MYOM2: variants seen among roughly 807,000 people sequenced by gnomAD.
MYOM2 encodes the protein myomesin-2.
A neutral mutation model predicts 187.6 loss-of-function variants in MYOM2; 254 were observed. That is an observed-to-expected ratio of 1.35 (90% CI 1.22 to 1.50). The LOEUF is 1.50. Among genes scored for constraint, MYOM2 ranks in the 40% most tolerant of loss-of-function variants. The pLI is 0.00. For synonymous variants in MYOM2, 981 were observed against 753.8 expected (o/e 1.30, Z -4.94); for missense variants, 2,796 against 1,924.0 (o/e 1.45, Z -8.48).
chr8:2,082,914 G>A (rs1003354866), intron 13 of MYOM2, among the ~76,000 whole-genome samples: 10 of 152,114 alleles, frequency 6.6e-5, no homozygotes, highest in African/African-American at 2.2e-4. Flanking sequence ...TTCCTTAGGT[G>A]GATGAGGGAA....
At chr8:2,120,698 T>TAATATATATATATA in intron 28 of MYOM2, among the ~76,000 whole-genome samples, 1 of 116,560 alleles carries the variant, frequency 8.6e-6, no homozygotes, top group Admixed American at 1.0e-4. Context: ...AAATATATAA[T>TAATATATATATATA]ATATATATTT....
intron 13 of MYOM2, among the ~76,000 whole-genome samples, chr8:2,083,677 G>C (rs1416463246): frequency 6.6e-6 from 1 of 152,196 alleles, no homozygotes; most frequent in Non-Finnish European, 1.5e-5. Context: ...CCACCCCTGT[G>C]CTTCCCTCTC....
chr8:2,123,213 A>G, intron 28 of MYOM2, 39 bp from the exon 29 acceptor site: 1 of 1,335,340 alleles, frequency 7.5e-7, no homozygotes, highest in Non-Finnish European at 1.1e-6. Context: ...CATGAGTCAG[A>G]ATGATTTACA....
At chr8:2,101,850 A>G (rs1796720738) in intron 20 of MYOM2, among the ~76,000 whole-genome samples, 1 of 152,248 alleles carries the variant, frequency 6.6e-6, no homozygotes, top group Non-Finnish European at 1.5e-5. Flanking sequence ...GAGCAAAACT[A>G]TCATGTGTGA....
intron 13 of MYOM2, chr8:2,084,879 C>G (rs1000487747): frequency 6.2e-5 from 11 of 178,532 alleles, no homozygotes; most frequent in South Asian, 1.5e-4. Context: ...ATCCGCGGTG[C>G]TTCTGTATTT....
chr8:2,052,819 C>A (rs189602523), intron 3 of MYOM2, among the ~76,000 whole-genome samples: 1 of 152,266 alleles, frequency 6.6e-6, no homozygotes, highest in African/African-American at 2.4e-5. Context: ...TAAGCGGGAG[C>A]CAGGGTTTTA....
intron 24 of MYOM2, among the ~76,000 whole-genome samples, chr8:2,109,103 A>G (rs1796984451): frequency 1.3e-5 from 2 of 152,252 alleles, no homozygotes; most frequent in African/African-American, 4.8e-5. Flanking sequence ...TTTCCTATCA[A>G]GTGAAATCTT....
intron 31 of MYOM2, among the ~76,000 whole-genome samples, chr8:2,125,961 A>G (rs933326838): frequency 4.6e-5 from 7 of 151,994 alleles, no homozygotes; most frequent in African/African-American, 1.7e-4. Flanking sequence ...CGAAATTTTG[A>G]TAAGAATTGC....
chr8:2,090,824 A>G (rs988509610), intron 15 of MYOM2, among the ~76,000 whole-genome samples: 1 of 152,274 alleles, frequency 6.6e-6, no homozygotes, highest in East Asian at 1.9e-4. Context: ...GCTGCATAGT[A>G]TTCCATGGTA....
At position 2,123,602 on chromosome 8, in the gene MYOM2, C is replaced by T. The variant is rs767302291; in HGVS notation, c.3615C>T (p.Asp1205=). 3.1e-6 allele frequency: 5 copies of T among 1,614,040 alleles called. No homozygotes were observed. Among genetic ancestry groups the T allele is most frequent in the East Asian group, 4.5e-5 (2 of 44,892 alleles). ...AATACAAGGCAACCTTGAAAGATGA[C>T]AGAGGCCAAGATGTGTCCATCCTTG... ...HGEYKATLKD[D]RGQDVSILEI... is the part of the protein sequence containing the mutation. The change falls in exon 30 of 37, where the codon GAC becomes GAT. Residue 1205 remains aspartate, a synonymous_variant. Coordinates refer to ENST00000262113, the MANE Select transcript of MYOM2 (RefSeq NM_003970.4).
chr8:2,082,776 C>T lies in MYOM2; in HGVS notation c.1517-2487C>T, dbSNP rs1276746449. 6.6e-5 allele frequency among the ~76,000 whole-genome samples: 10 copies of T among 152,312 alleles called. No homozygotes were observed. In the South Asian group the frequency reaches 1.2e-3, roughly 19 times the overall value. On this transcript the variant is annotated intron_variant, in intron 13 of 36. Coordinates refer to ENST00000262113, the MANE Select transcript of MYOM2 (RefSeq NM_003970.4). The stretch of plus-strand genomic sequence containing the variant: ...AAGCATTGGCTGTGCTTTCCTGGGC[C>T]GGGGCATTTGCAGCCCACATGCTCA...
chr8:2,049,593 C>T (rs948084171), intron 1 of MYOM2, among the ~76,000 whole-genome samples: 8 of 152,214 alleles, frequency 5.3e-5, no homozygotes, highest in Non-Finnish European at 1.2e-4. Context: ...ACCCCTGGGG[C>T]TGTGCCATGG....
In MYOM2 at chr8:2,144,646, A is replaced by C. The variant is rs766874430; in HGVS notation, c.4081-18A>C. 3 of 1,611,380 alleles carry C rather than the reference A, an allele frequency of 1.9e-6. No individual in the cohort carries two copies. Among genetic ancestry groups the C allele is most frequent in the South Asian group, 1.1e-5 (1 of 90,932 alleles). On this transcript the variant is annotated intron_variant, in intron 36 of 36. Coordinates refer to ENST00000262113, the MANE Select transcript of MYOM2 (RefSeq NM_003970.4). ...TTTTTCTAACTCTTCCTTCTCCACC[A>C]ACCTCTTCCGTCCAAAGACCTTGAA...
intron 13 of MYOM2, among the ~76,000 whole-genome samples, chr8:2,080,283 T>C (rs931794081): frequency 6.6e-6 from 1 of 152,228 alleles, no homozygotes; most frequent in African/African-American, 2.4e-5. Context: ...GATTTTGAGC[T>C]GCTCGCTAAA....
intron 31 of MYOM2, among the ~76,000 whole-genome samples, chr8:2,127,094 GTGT>G (rs1379185917): frequency 6.6e-6 from 1 of 151,940 alleles, no homozygotes; most frequent in Non-Finnish European, 1.5e-5. Flanking sequence ...GGTTAGGGTG[GTGT>G]TGGTCTCATG....
intron 32 of MYOM2, among the ~76,000 whole-genome samples, chr8:2,134,598 A>G (rs901355956): frequency 2.3e-5 from 3 of 130,736 alleles, no homozygotes; most frequent in African/African-American, 3.4e-5. Flanking sequence ...TTCCTTTTAC[A>G]TTTGTTCTGC....
chr8:2,100,089 CTTCCTTCCTTCCTTCCTTCT>C (rs1796640187), intron 19 of MYOM2, among the ~76,000 whole-genome samples: 2 of 56,594 alleles, frequency 3.5e-5, no homozygotes, highest in East Asian at 1.1e-3. Flanking sequence ...TTCTTCTTTC[CTTCCTTCCTTCCTTCCTTCT>C]TTCTTTCCTT....
Position 2,076,190 on chromosome 8 carries a change from G to C in MYOM2, c.1170G>C (p.Gln390His), listed in dbSNP as rs1819411582. 2.5e-6 allele frequency: 4 copies of C among 1,613,438 alleles called. No homozygotes were observed. The highest frequency in any genetic ancestry group is 3.4e-6 in the Non-Finnish European group (4 of 1,179,888). ...TGAPGAPMDL[Q>H]CHDANRDYVI... ...CCCCCGGTGCACCCATGGACTTGCAGTGCCACGACGCCAACCGGGACTACG... is the reference window on the plus strand; with the variant it reads ...CCCCCGGTGCACCCATGGACTTGCACTGCCACGACGCCAACCGGGACTACG... The change falls in exon 11 of 37, where the codon CAG becomes CAC. Residue 390 changes from glutamine (Q) to histidine (H), a missense_variant. Coordinates refer to ENST00000262113, the MANE Select transcript of MYOM2 (RefSeq NM_003970.4).
At chr8:2,062,474 G>A (rs1051489009) in intron 6 of MYOM2, among the ~76,000 whole-genome samples, 4 of 152,122 alleles carry the variant, frequency 2.6e-5, no homozygotes, top group South Asian at 2.1e-4. Flanking sequence ...TGCTGGGCTC[G>A]ACTGGGCATT....
Sources: allele counts gnomAD v4.1 joint callset (sites outside exome capture counted in the v4.1 genomes callset), GRCh38; gene constraint gnomAD v4.1.1; transcripts MANE v1.5; gene names NCBI Gene and HGNC (gene_info 2026-07-23, HGNC 2026-07-21).